The following ESRRA variants were observed in gnomAD, a reference collection of about 807,000 sequenced individuals.
ESRRA encodes the protein estrogen related receptor alpha, also known as steroid hormone receptor ERR1.
A neutral mutation model predicts 35.6 loss-of-function variants in ESRRA; 7 were observed. The observed-to-expected ratio is 0.20, with a 90% confidence interval of 0.11 to 0.37. The LOEUF (loss-of-function observed/expected upper bound fraction) is 0.37, where lower values mean the gene tolerates loss of function less well. Among genes scored for constraint, ESRRA ranks in the 10% least tolerant of loss-of-function variants. The pLI, the probability that ESRRA is intolerant of heterozygous loss-of-function variation, is 1.00. For missense variants in ESRRA, 378 were observed against 561.7 expected, an observed-to-expected ratio of 0.67 and a Z score of 3.31; for synonymous variants, 223 against 246.9, an observed-to-expected ratio of 0.90 and a Z score of 0.91.
At chr11:64,309,805 G>T (rs563902599) in intron 2 of ESRRA, among the ~76,000 whole-genome samples, 1 of 151,822 alleles carries the variant, frequency 6.6e-6, no homozygotes, top group Admixed American at 6.6e-5. Flanking sequence ...CGTGGTGGGT[G>T]CCTGTAGTCC....
In ESRRA at chr11:64,307,374, C is replaced by T. The variant is rs549790798; in HGVS notation, c.195C>T (p.Gly65=). The change falls in exon 2 of 7, where the codon GGC becomes GGT. Residue 65 remains glycine, a synonymous_variant. Coordinates refer to ENST00000000442, the MANE Select transcript of ESRRA (RefSeq NM_004451.5). The part of the protein sequence containing the change: ...DGEGAGPGEQ[G]GGKLVLSSLP... ...AGGGGGCTGGGCCTGGCGAGCAGGG[C>T]GGTGGGAAGCTGGTGCTCAGCTCCC... 60 of 1,604,538 alleles carry T rather than the reference C, an allele frequency of 3.7e-5. No individual in the cohort carries two copies. The highest frequency in any genetic ancestry group is 6.7e-5 in the Admixed American group (4 of 59,378).
At chr11:64,308,757 A>T (rs1469789950) in intron 2 of ESRRA, among the ~76,000 whole-genome samples, 3 of 149,734 alleles carry the variant, frequency 2.0e-5, no homozygotes, top group Non-Finnish European at 4.4e-5. Context: ...CGGAGGTTGC[A>T]GTGAGCCAAG....
In ESRRA at chr11:64,316,632, G is replaced by C. The variant is rs998629803; in HGVS notation, c.*666G>C. ...GGGACATGGGGCAAGCCAGGGCCCA[G>C]AGCCCTTGGCTGTACAGAGACTCTA... is the stretch of plus-strand genomic sequence containing the variant. On this transcript the variant is annotated 3_prime_UTR_variant, in exon 7 of 7. Transcript: ENST00000000442. The C allele has an allele frequency of 6.8e-5, 35 of 516,614 alleles. No individual in the cohort carries two copies. Among genetic ancestry groups the C allele is most frequent in the Admixed American group, 4.1e-4 (12 of 29,096 alleles). The allele number at this position is 516,614 out of a possible 1,614,324, so 32.0% of individuals were successfully genotyped here. A position where few individuals can be genotyped will look rare whatever the true frequency, so the allele number is the denominator to read the frequency against.
intron 1 of ESRRA, chr11:64,306,718 T>G (rs2035040689): frequency 6.5e-6 from 1 of 154,006 alleles, no homozygotes; most frequent in South Asian, 2.0e-4. Flanking sequence ...GTGAACTCGG[T>G]GTGAGCACGT....
At chr11:64,311,884 C>T (rs757235096) in intron 2 of ESRRA, among the ~76,000 whole-genome samples, 3 of 151,134 alleles carry the variant, frequency 2.0e-5, no homozygotes, top group Non-Finnish European at 2.9e-5. Context: ...AGGGTTTCAC[C>T]GTGTTGGTCA....
At chr11:64,312,232 C>T (rs745315965) in intron 2 of ESRRA, among the ~76,000 whole-genome samples, 1 of 151,838 alleles carries the variant, frequency 6.6e-6, no homozygotes, top group South Asian at 2.1e-4. Context: ...CTCTGCCTCC[C>T]GGGTTCAAGC....
rs2035185668 is a variant in ESRRA, at chr11:64,313,804, CCCTG to C, written c.326-141_326-138del. 1 of 587,856 alleles carries C rather than the reference CCCTG, an allele frequency of 1.7e-6. No individual in the cohort carries two copies. The highest frequency in any genetic ancestry group is 3.1e-5 in the Admixed American group (1 of 32,364). 36.4% of individuals were successfully genotyped at this position (587,856 alleles called of 1,614,324 possible). A position where few individuals can be genotyped will look rare whatever the true frequency, so the allele number is the denominator to read the frequency against. On this transcript the variant is annotated intron_variant, in intron 2 of 6. Coordinates refer to ENST00000000442, the MANE Select transcript of ESRRA (RefSeq NM_004451.5). This position sits in a 1 kb window ranked among gnomAD's most constrained non-coding sequence, Gnocchi z 4.0. ...TCCCCCGCCCAGCAGCCACTCCCCT[CCCTG>C]CCTGCTCATGGCCCCCTGCTCTCCC...
At chr11:64,310,641 G>A (rs1376666081) in intron 2 of ESRRA, among the ~76,000 whole-genome samples, 3 of 142,660 alleles carry the variant, frequency 2.1e-5, no homozygotes, top group Non-Finnish European at 4.5e-5. Context: ...TCTGCCTCCC[G>A]GGTTCAAGCC....
At position 64,314,737 on chromosome 11, in the gene ESRRA, A is replaced by G; in HGVS notation, c.572-4A>G. The G allele has an allele frequency of 6.2e-7, 1 of 1,609,192 alleles. No individual in the cohort carries two copies. The highest frequency in any genetic ancestry group is 8.5e-7 in the Non-Finnish European group (1 of 1,178,286). ...TCCTGACTCTTGTCCTCTAATTGTC[A>G]CAGCAGCCCCAGTGAATGCACTGGT... On this transcript the variant is annotated splice_region_variant and splice_polypyrimidine_tract_variant and intron_variant, in intron 4 of 6. Transcript: ENST00000000442.
chr11:64,315,732 G>C lies in ESRRA; in HGVS notation c.1038G>C (p.Glu346Asp). Residue 346 changes from glutamate (E) to aspartate (D), a missense_variant, in exon 7 of 7, where the codon GAG becomes GAC. By Grantham distance (45) the Glu-to-Asp change is conservative. Transcript: ENST00000000442. Reference protein sequence around the residue: ...NSDSVHIEDAEAVEQLREALH... With the variant: ...NSDSVHIEDADAVEQLREALH... ...ACTCTGTGCACATCGAAGATGCCGA[G>C]GCTGTGGAGCAGCTGCGAGAAGCTC... is the stretch of plus-strand genomic sequence containing the variant. The C allele has an allele frequency of 6.2e-7, 1 of 1,613,952 alleles. No individual in the cohort carries two copies.
chr11:64,306,048 T>C (rs2135245932), intron 1 of ESRRA, among the ~76,000 whole-genome samples: 1 of 152,080 alleles, frequency 6.6e-6, no homozygotes, highest in South Asian at 2.1e-4. Flanking sequence ...CCGAAGTCCC[T>C]GGGGCTGGCC....
rs1307785975 is a variant in ESRRA, at chr11:64,309,065, C to T, written c.325+1561C>T. Among the ~76,000 whole-genome samples, 4 of 151,576 alleles carry T rather than the reference C, an allele frequency of 2.6e-5. No individual in the cohort carries two copies. In the East Asian group the frequency reaches 5.8e-4, roughly 22 times the overall value. ...GGCAGAGGTTGCAATGAGCCCAGAT[C>T]GCGCCATTGCACTCTAGCCTGCGCA... On this transcript the variant is annotated intron_variant, in intron 2 of 6. Coordinates refer to ENST00000000442, the MANE Select transcript of ESRRA (RefSeq NM_004451.5).
At position 64,315,791 on chromosome 11, in the gene ESRRA, G is replaced by T. The variant is rs780281773; in HGVS notation, c.1097G>T (p.Arg366Leu). 7 of 1,613,450 alleles carry T rather than the reference G, an allele frequency of 4.3e-6. No homozygotes were observed. Among genetic ancestry groups the T allele is most frequent in the Non-Finnish European group, 5.9e-6 (7 of 1,179,692 alleles). Residue 366 changes from arginine (R) to leucine (L), a missense_variant, in exon 7 of 7, where the codon CGG (arginine) becomes CTG (leucine). Physicochemically the swap from Arg to Leu is moderately radical, Grantham distance 102 (BLOSUM62 -2). Transcript: ENST00000000442. ...GCCCTGCTGGAGTATGAAGCCGGCC[G>T]GGCTGGCCCCGGAGGGGGTGCTGAG... ...HEALLEYEAG[R>L]AGPGGGAERR... is the part of the protein sequence containing the mutation.
chr11:64,309,177 G>C (rs183744186), intron 2 of ESRRA, among the ~76,000 whole-genome samples: 1 of 152,128 alleles, frequency 6.6e-6, no homozygotes. Context: ...CTCATGGCCT[G>C]TAATCCCAGC....
Position 64,305,773 on chromosome 11 carries a change from G to C in ESRRA, c.-13+37G>C, listed in dbSNP as rs1317231132. 1 of 150,396 alleles carries C rather than the reference G, an allele frequency of 6.6e-6. No homozygotes were observed. Among genetic ancestry groups the C allele is most frequent in the Non-Finnish European group, 1.5e-5 (1 of 67,162 alleles). 9.3% of individuals were successfully genotyped at this position (150,396 alleles called of 1,614,324 possible). A position where few individuals can be genotyped will look rare whatever the true frequency, so the allele number is the denominator to read the frequency against. Reference sequence around the variant, plus strand: ...GAGGGGAGCGCTGCCGCGGGGGTGGGCGGGCGGGGCGCGGGGGCCATGTGC... The same window carrying C: ...GAGGGGAGCGCTGCCGCGGGGGTGGCCGGGCGGGGCGCGGGGGCCATGTGC... On this transcript the variant is annotated intron_variant, in intron 1 of 6. Coordinates refer to ENST00000000442, the MANE Select transcript of ESRRA (RefSeq NM_004451.5). The surrounding 1 kb of genome is among the most constrained non-coding windows in gnomAD (Gnocchi z 5.8).
At chr11:64,314,658 G>A in intron 4 of ESRRA, 83 bp from the exon 5 acceptor site, 1 of 1,371,290 alleles carries the variant, frequency 7.3e-7, no homozygotes, top group South Asian at 1.3e-5. Flanking sequence ...AAGGCCACAG[G>A]GGGAGCCACT....
chr11:64,311,354 T>G (rs1335929937), intron 2 of ESRRA, among the ~76,000 whole-genome samples: 13 of 151,778 alleles, frequency 8.6e-5, no homozygotes, highest in African/African-American at 2.7e-4. Flanking sequence ...AGACTTGTCT[T>G]ATTACCGCTG....
At chr11:64,309,117 A>G (rs2035091390) in intron 2 of ESRRA, among the ~76,000 whole-genome samples, 1 of 150,752 alleles carries the variant, frequency 6.6e-6, no homozygotes, top group African/African-American at 2.4e-5. Context: ...ACCTCAAAAA[A>G]CAAAAACAAA....
intron 2 of ESRRA, among the ~76,000 whole-genome samples, chr11:64,309,051 C>G (rs1461790679): frequency 6.6e-6 from 1 of 151,892 alleles, no homozygotes; most frequent in African/African-American, 2.4e-5. Flanking sequence ...GCAGAGGTTG[C>G]AATGAGCCCA....
Sources: allele counts gnomAD v4.1 joint callset (sites outside exome capture counted in the v4.1 genomes callset), GRCh38; gene constraint gnomAD v4.1.1; non-coding constraint Gnocchi (gnomAD v3.1); transcripts MANE v1.5; gene names NCBI Gene and HGNC (gene_info 2026-07-23, HGNC 2026-07-21).